Variants in TRPC4 observed in about 807,000 individuals in gnomAD.
TRPC4 encodes the protein short transient receptor potential channel 4.
A neutral mutation model predicts 99.4 loss-of-function variants in TRPC4; 49 were observed. That is an observed-to-expected ratio of 0.49 (90% CI 0.39 to 0.63). The LOEUF (loss-of-function observed/expected upper bound fraction) is 0.63, where lower values mean the gene tolerates loss of function less well. TRPC4 is among the 20% of genes least tolerant of loss of function. The pLI, the probability that TRPC4 is intolerant of heterozygous loss-of-function variation, is 0.00. For missense variants in TRPC4, 898 were observed against 1,152.9 expected (o/e 0.78, Z 3.20); for synonymous variants, 454 against 425.9 (o/e 1.07, Z -0.81).
chr13:37,787,006 T>C (rs1310534598), intron 1 of TRPC4, among the ~76,000 whole-genome samples: 1 of 152,046 alleles, frequency 6.6e-6, no homozygotes, highest in Non-Finnish European at 1.5e-5. Context: ...ACTACAGTTT[T>C]CTAAGCAACA....
chr13:37,721,482 C>A (rs1954865388), intron 3 of TRPC4, among the ~76,000 whole-genome samples: 1 of 152,038 alleles, frequency 6.6e-6, no homozygotes, highest in African/African-American at 2.4e-5. Context: ...TAGAATATTG[C>A]AAAGGTGTTT....
intron 4 of TRPC4, among the ~76,000 whole-genome samples, chr13:37,687,217 C>G (rs547662469): frequency 2.0e-5 from 3 of 152,162 alleles, no homozygotes; most frequent in African/African-American, 7.2e-5. Context: ...CCCACCTCAG[C>G]CTCCCAAAGT....
chr13:37,648,362 C>G (rs1239922350), intron 8 of TRPC4, among the ~76,000 whole-genome samples: 2 of 152,126 alleles, frequency 1.3e-5, no homozygotes, highest in African/African-American at 4.8e-5. Context: ...ATGTCCTTTT[C>G]ATTTTGGAAA....
chr13:37,782,766 C>T (rs1233472767), intron 2 of TRPC4, among the ~76,000 whole-genome samples, 190 bp downstream of exon 2: 4 of 150,960 alleles, frequency 2.6e-5, no homozygotes, highest in South Asian at 2.1e-4. Flanking sequence ...TGCAAGTGGA[C>T]GTAACTATCA....
intron 4 of TRPC4, among the ~76,000 whole-genome samples, chr13:37,679,625 A>G (rs930349169): frequency 1.3e-4 from 20 of 152,176 alleles, no homozygotes; most frequent in African/African-American, 4.8e-4. Flanking sequence ...AGCTGATTTC[A>G]GATAAATTAA....
chr13:37,775,685 C>T (rs932749444), intron 2 of TRPC4, among the ~76,000 whole-genome samples: 9 of 151,706 alleles, frequency 5.9e-5, no homozygotes, highest in Non-Finnish European at 1.3e-4. Context: ...GACTCAGTTT[C>T]TCTACCTAAA....
chr13:37,782,410 A>G (rs1405182196), intron 2 of TRPC4, among the ~76,000 whole-genome samples: 1 of 152,142 alleles, frequency 6.6e-6, no homozygotes, highest in Non-Finnish European at 1.5e-5. Context: ...ATCTCATAGT[A>G]ATCCTTTTTG....
chr13:37,769,395 G>A (rs977156648), intron 2 of TRPC4, among the ~76,000 whole-genome samples: 1 of 151,212 alleles, frequency 6.6e-6, no homozygotes, highest in African/African-American at 2.4e-5. Flanking sequence ...TCTGTCTTTG[G>A]TGAAAACATC....
intron 4 of TRPC4, 68 bp downstream of exon 4, chr13:37,691,931 T>A: frequency 1.4e-6 from 2 of 1,445,580 alleles, no homozygotes; most frequent in Non-Finnish European, 1.9e-6. Context: ...TTAATGAATA[T>A]TTTCTGAGCA....
At chr13:37,785,879 A>G (rs1956957839) in intron 1 of TRPC4, among the ~76,000 whole-genome samples, 1 of 152,104 alleles carries the variant, frequency 6.6e-6, no homozygotes, top group South Asian at 2.1e-4. Context: ...AAGCTTACTA[A>G]TATCTATTTC....
chr13:37,777,196 C>T (rs1010951316), intron 2 of TRPC4, among the ~76,000 whole-genome samples: 5 of 151,926 alleles, frequency 3.3e-5, no homozygotes, highest in African/African-American at 1.2e-4. Context: ...TCCATTCTCA[C>T]ATTGATATAA....
At chr13:37,787,885 C>T (rs1957011150) in intron 1 of TRPC4, among the ~76,000 whole-genome samples, 1 of 152,062 alleles carries the variant, frequency 6.6e-6, no homozygotes, top group Non-Finnish European at 1.5e-5. Context: ...TAAGCGCTAT[C>T]TCCATTTTAA....
chr13:37,731,028 A>C (rs1257824808), intron 3 of TRPC4, among the ~76,000 whole-genome samples: 2 of 152,030 alleles, frequency 1.3e-5, no homozygotes, highest in Non-Finnish European at 2.9e-5. Flanking sequence ...ACTGGGGTCT[A>C]TTCTGAAGTT....
chr13:37,651,786 G>A (rs1952053250), intron 7 of TRPC4, among the ~76,000 whole-genome samples: 1 of 152,198 alleles, frequency 6.6e-6, no homozygotes, highest in Non-Finnish European at 1.5e-5. Context: ...TCATGTTAGT[G>A]CAGTTTCATT....
intron 3 of TRPC4, among the ~76,000 whole-genome samples, chr13:37,730,967 A>T (rs992982310): frequency 1.3e-5 from 2 of 152,066 alleles, no homozygotes; most frequent in Admixed American, 1.3e-4. Flanking sequence ...AATGCTATTA[A>T]TATGAGTGTT....
At chr13:37,759,912 C>T (rs192592415) in intron 2 of TRPC4, among the ~76,000 whole-genome samples, 8 of 152,038 alleles carry the variant, frequency 5.3e-5, no homozygotes, top group African/African-American at 1.7e-4. Context: ...TTGGACATCA[C>T]CTCAATGTTT....
chr13:37,769,865 G>A (rs976495713), intron 2 of TRPC4, among the ~76,000 whole-genome samples: 6 of 151,474 alleles, frequency 4.0e-5, no homozygotes, highest in African/African-American at 1.2e-4. Context: ...TAATCATGAC[G>A]ATAATAACAT....
chr13:37,815,137 A>C (rs1234801910), intron 1 of TRPC4, among the ~76,000 whole-genome samples: 4 of 151,826 alleles, frequency 2.6e-5, no homozygotes, highest in Admixed American at 6.6e-5. Context: ...AAAAAGAATG[A>C]AGTTGGACCC....
intron 1 of TRPC4, among the ~76,000 whole-genome samples, chr13:37,864,182 C>A (rs1270239740): frequency 1.3e-5 from 2 of 151,678 alleles, no homozygotes; most frequent in Non-Finnish European, 3.0e-5. Context: ...AAATATCACT[C>A]CAAAGAAGTC....
Sources: gnomAD v4.1 joint callset for allele counts (sites outside exome capture counted in the v4.1 genomes callset) on GRCh38, gnomAD v4.1.1 for gene constraint, MANE v1.5 for transcripts, NCBI Gene and HGNC (gene_info 2026-07-23, HGNC 2026-07-21) for gene names.